Variants in FGD2 observed in about 807,000 individuals in gnomAD.
The protein encoded by FGD2 is FYVE, RhoGEF and PH domain containing 2.
In FGD2, 52 loss-of-function variants were observed where a neutral mutation model predicts 75.9. That is an observed-to-expected ratio of 0.69 (90% CI 0.55 to 0.86). The LOEUF (loss-of-function observed/expected upper bound fraction) is 0.86, where lower values mean the gene tolerates loss of function less well. Among genes scored for constraint, FGD2 ranks in the 40% least tolerant of loss-of-function variants. The pLI, the probability that FGD2 is intolerant of heterozygous loss-of-function variation, is 0.00. For synonymous variants in FGD2, 347 were observed against 348.6 expected, an observed-to-expected ratio of 1.00 and a Z score of 0.05; for missense variants, 790 against 872.0, an observed-to-expected ratio of 0.91 and a Z score of 1.18.
Position 37,013,714 on chromosome 6 carries a change from C to T in FGD2, c.633C>T (p.Ala211=), listed in dbSNP as rs745583330. The T allele has an allele frequency of 6.2e-7, 1 of 1,614,078 alleles. No homozygotes were observed. The highest frequency in any genetic ancestry group is 1.1e-5 in the South Asian group (1 of 91,080). The stretch of plus-strand genomic sequence containing the variant: ...TTGAGCGAGCGGCTGAGCTGCTGGC[C>T]ACCTGGACCGACAAGTCTCCACTCT... ...KNFERAAELL[A]TWTDKSPLFQ... The change falls in exon 5 of 16, where the codon GCC becomes GCT. Residue 211 remains alanine, a synonymous_variant. Transcript: ENST00000274963.
rs1765925668 is a variant in FGD2, at chr6:37,028,221, C to T, written c.*58C>T. 7.0e-7 allele frequency: 1 copy of T among 1,438,106 alleles called. No individual in the cohort carries two copies. Among genetic ancestry groups the T allele is most frequent in the Admixed American group, 2.6e-5 (1 of 38,334 alleles). 89.1% of individuals were successfully genotyped at this position (1,438,106 alleles called of 1,614,324 possible). A position where few individuals can be genotyped will look rare whatever the true frequency, so the allele number is the denominator to read the frequency against. ...CCCACCCTGAACCCAGCTCCTGCCA[C>T]AGACTGACCCTGTGGCCTCAGTGAC... is the stretch of plus-strand genomic sequence containing the variant. On this transcript the variant is annotated 3_prime_UTR_variant, in exon 16 of 16. Coordinates refer to ENST00000274963, the MANE Select transcript of FGD2 (RefSeq NM_173558.4).
Position 37,028,402 on chromosome 6 carries a change from C to T in FGD2, c.*239C>T. On this transcript the variant is annotated 3_prime_UTR_variant, in exon 16 of 16. Coordinates refer to ENST00000274963, the MANE Select transcript of FGD2 (RefSeq NM_173558.4). ...CCTTGCGGGGAGGGGGCTCCTGGGCCATGGGACTTCCAGTGCTAAAACTGG... is the reference window on the plus strand; with the variant it reads ...CCTTGCGGGGAGGGGGCTCCTGGGCTATGGGACTTCCAGTGCTAAAACTGG... 2.1e-6 allele frequency: 1 copy of T among 485,272 alleles called. No individual in the cohort carries two copies. The highest frequency in any genetic ancestry group is 3.7e-6 in the Non-Finnish European group (1 of 272,982). The allele number at this position is 485,272 out of a possible 1,614,324, so 30.1% of individuals were successfully genotyped here.
At chr6:37,027,751 C>A in intron 15 of FGD2, 176 bp downstream of exon 15, 1 of 1,035,460 alleles carries the variant, frequency 9.7e-7, no homozygotes, top group Non-Finnish European at 1.4e-6. Flanking sequence ...TGTGCCCTGA[C>A]TCTAGGTCAC....
Position 37,006,881 on chromosome 6 carries a change from G to T in FGD2, c.68+996G>T, listed in dbSNP as rs180962790. Among the ~76,000 whole-genome samples, 298 of 152,288 alleles carry T rather than the reference G, an allele frequency of 2.0e-3. 5 individuals carry two copies. Among genetic ancestry groups the T allele is most frequent in the Admixed American group, 0.017 (256 of 15,308 alleles). Reference sequence around the variant, plus strand: ...GCCTCAGCCTGTCCCAGGGAGCTCTGGAGCTGGGATGCCTCTCGGTTGTTC... The same window carrying T: ...GCCTCAGCCTGTCCCAGGGAGCTCTTGAGCTGGGATGCCTCTCGGTTGTTC... On this transcript the variant is annotated intron_variant, in intron 1 of 15. Coordinates refer to ENST00000274963, the MANE Select transcript of FGD2 (RefSeq NM_173558.4).
At chr6:37,025,669 C>T (rs544077237) in intron 13 of FGD2, 123 bp from the exon 14 acceptor site, 249 of 1,035,074 alleles carry the variant, frequency 2.4e-4, no homozygotes, top group Non-Finnish European at 3.1e-4. Context: ...ATTCCTCCCT[C>T]GAAGCTTTCT....
intron 1 of FGD2, among the ~76,000 whole-genome samples, chr6:37,008,105 A>T (rs748994804): frequency 1.3e-5 from 2 of 152,034 alleles, no homozygotes; most frequent in South Asian, 4.1e-4. Flanking sequence ...TTTCTCACGG[A>T]GTTTTGGAGA....
chr6:37,021,764 AG>A (rs1765602084), intron 12 of FGD2, 160 bp downstream of exon 12: 1 of 657,096 alleles, frequency 1.5e-6, no homozygotes, highest in East Asian at 2.8e-5. Flanking sequence ...CCCCCGACTC[AG>A]GGCCTGAGCA....
chr6:37,014,124 A>AG, intron 6 of FGD2, 24 bp downstream of exon 6: 1 of 1,608,560 alleles, frequency 6.2e-7, no homozygotes, highest in South Asian at 1.1e-5. Flanking sequence ...CAGGGGTCCC[A>AG]GGGGGCTGAG....
intron 5 of FGD2, 51 bp downstream of exon 5, chr6:37,013,816 G>C: frequency 6.2e-7 from 1 of 1,605,858 alleles, no homozygotes. Flanking sequence ...AGCATGCAGT[G>C]GCTCAGGTTG....
chr6:37,027,409 G>A lies in FGD2; in HGVS notation c.1606-20G>A. ...CTTGCGGCTGCTCTGCTCCCTGACAGTCCCTCCTTCTGGTTTTAGAAAGGG... is the reference window on the plus strand; with the variant it reads ...CTTGCGGCTGCTCTGCTCCCTGACAATCCCTCCTTCTGGTTTTAGAAAGGG... On this transcript the variant is annotated intron_variant, in intron 14 of 15. Coordinates refer to ENST00000274963, the MANE Select transcript of FGD2 (RefSeq NM_173558.4). 2 of 1,593,412 alleles carry A rather than the reference G, an allele frequency of 1.3e-6. No individual in the cohort carries two copies. Among genetic ancestry groups the A allele is most frequent in the Non-Finnish European group, 1.7e-6 (2 of 1,166,678 alleles).
At chr6:37,010,103 T>C (rs1487656686) in intron 2 of FGD2, 2 of 152,080 alleles carry the variant, frequency 1.3e-5, no homozygotes, top group Non-Finnish European at 2.9e-5. Flanking sequence ...CCGGGAGGTT[T>C]TTCTACTGGC....
Position 37,027,589 on chromosome 6 carries a change from C to G in FGD2, c.1752+14C>G. On this transcript the variant is annotated intron_variant, in intron 15 of 15. Coordinates refer to ENST00000274963, the MANE Select transcript of FGD2 (RefSeq NM_173558.4). The stretch of plus-strand genomic sequence containing the variant: ...GCTGCCCCTCAGGTAAGGCCACCAC[C>G]TGCCCGCCCCCCGTCAGGCCCTGGC... 1 of 1,613,614 alleles carries G rather than the reference C, an allele frequency of 6.2e-7. No individual in the cohort carries two copies. Among genetic ancestry groups the G allele is most frequent in the South Asian group, 1.1e-5 (1 of 91,034 alleles).
At chr6:37,015,156 C>T in intron 8 of FGD2, 118 bp downstream of exon 8, 2 of 1,351,746 alleles carry the variant, frequency 1.5e-6, no homozygotes, top group African/African-American at 1.5e-5. Context: ...GAAGAGAACG[C>T]TTCTCTGTCT....
intron 2 of FGD2, 67 bp downstream of exon 2, chr6:37,009,132 C>T (rs1698380533): frequency 1.4e-6 from 2 of 1,453,358 alleles, no homozygotes; most frequent in South Asian, 1.3e-5. Flanking sequence ...CTCCCCTCCA[C>T]ACATGCTTTC....
At chr6:37,022,100 C>A in intron 12 of FGD2, 139 bp from the exon 13 acceptor site, 1 of 1,202,064 alleles carries the variant, frequency 8.3e-7, no homozygotes, top group Non-Finnish European at 1.1e-6. Context: ...GGTCAGTCAG[C>A]TTGCTGTAGA....
chr6:37,022,254 C>T lies in FGD2; in HGVS notation c.1342C>T (p.Leu448=). 6.3e-7 allele frequency: 1 copy of T among 1,595,690 alleles called. No homozygotes were observed. Residue 448 remains leucine (L), a synonymous_variant, in exon 13 of 16, where the codon CTG becomes TTG. Coordinates refer to ENST00000274963, the MANE Select transcript of FGD2 (RefSeq NM_173558.4). ...IQEQELQSEE[L]GLRAPQWVRD... is the part of the protein sequence containing the mutation. ...TAACCCACAGCTGCAGTCTGAGGAG[C>T]TGGGCCTCCGGGCACCGCAGTGGGT... is the stretch of plus-strand genomic sequence containing the variant.
chr6:37,026,701 TC>T (rs1261379123), intron 14 of FGD2, among the ~76,000 whole-genome samples: 1 of 152,072 alleles, frequency 6.6e-6, no homozygotes, highest in Non-Finnish European at 1.5e-5. Flanking sequence ...ACTCCCAGGT[TC>T]AAGTTGGCCT....
intron 15 of FGD2, 42 bp downstream of exon 15, chr6:37,027,617 T>A: frequency 1.9e-6 from 3 of 1,610,698 alleles, no homozygotes; most frequent in Non-Finnish European, 2.5e-6. Flanking sequence ...GCCCTGGCCT[T>A]CCCACAGCGT....
At chr6:37,010,836 T>C in intron 2 of FGD2, 137 bp from the exon 3 acceptor site, 1 of 773,480 alleles carries the variant, frequency 1.3e-6, no homozygotes, top group East Asian at 2.6e-5. Context: ...CCGGCCCAGA[T>C]GCACTGCGGG....
Sources: allele counts gnomAD v4.1 joint callset (sites outside exome capture counted in the v4.1 genomes callset), GRCh38; gene constraint gnomAD v4.1.1; transcripts MANE v1.5; gene names NCBI Gene and HGNC (gene_info 2026-07-23, HGNC 2026-07-21).